ZMAT4: variants seen among roughly 807,000 people sequenced by gnomAD.
The protein encoded by ZMAT4 is zinc finger matrin-type 4.
In ZMAT4, 17 loss-of-function variants were observed where a neutral mutation model predicts 28.7. The ratio of observed to expected loss-of-function variants is 0.59; its 90% CI spans 0.41 to 0.89. The LOEUF (loss-of-function observed/expected upper bound fraction) is 0.89, where lower values mean the gene tolerates loss of function less well. Among genes scored for constraint, ZMAT4 ranks in the 40% least tolerant of loss-of-function variants. The probability of loss-of-function intolerance (pLI) is 0.00; values close to 1 mark genes in which losing one functional copy is unlikely to be tolerated. For synonymous variants in ZMAT4, 117 were observed against 109.2 expected (o/e 1.07, Z -0.44); for missense variants, 240 against 283.8 (o/e 0.85, Z 1.11).
At chr8:40,859,798 A>G (rs1026374845) in intron 1 of ZMAT4, among the ~76,000 whole-genome samples, 9 of 142,100 alleles carry the variant, frequency 6.3e-5, no homozygotes, top group Non-Finnish European at 1.3e-4. Flanking sequence ...GGGTGAGTGG[A>G]AAAAAAAAAG....
At chr8:40,566,154 G>A (rs181593779) in intron 6 of ZMAT4, among the ~76,000 whole-genome samples, 1 of 151,972 alleles carries the variant, frequency 6.6e-6, no homozygotes, top group Non-Finnish European at 1.5e-5. Flanking sequence ...ATGTTCCTCC[G>A]CCGTGACACA....
chr8:40,556,238 C>G (rs919005973), intron 6 of ZMAT4, among the ~76,000 whole-genome samples: 2 of 152,066 alleles, frequency 1.3e-5, no homozygotes, highest in Admixed American at 6.5e-5. Context: ...GTATTTCCAC[C>G]CTTAACTTAT....
chr8:40,767,985 G>A (rs962233567), intron 2 of ZMAT4, among the ~76,000 whole-genome samples: 2 of 152,072 alleles, frequency 1.3e-5, no homozygotes, highest in Non-Finnish European at 1.5e-5. Flanking sequence ...GTAGCCTAGG[G>A]TGGATAATAT....
At chr8:40,575,921 CA>C (rs1171472346) in intron 6 of ZMAT4, among the ~76,000 whole-genome samples, 2 of 151,788 alleles carry the variant, frequency 1.3e-5, no homozygotes, top group African/African-American at 4.8e-5. Flanking sequence ...ATTGGAAAAA[CA>C]ATTCATTATC....
rs546736383 is a variant in ZMAT4 at position 40,756,960 on chromosome 8, A to G, written c.192+10681T>C. On this transcript the variant is annotated intron_variant, in intron 3 of 6. Coordinates refer to ENST00000297737, the MANE Select transcript of ZMAT4 (RefSeq NM_024645.3). ...CACTCAGCACTGTCACTCAGCCTGA[A>G]GGAAGCTTATTTAATGCATGTCTTT... Among the ~76,000 whole-genome samples the G allele has an allele frequency of 2.6e-5, 4 of 152,274 alleles. No homozygotes were observed. In the South Asian group the frequency reaches 6.2e-4, roughly 24 times the overall value.
intron 3 of ZMAT4, among the ~76,000 whole-genome samples, chr8:40,754,820 C>T (rs1319256294): frequency 1.3e-5 from 2 of 152,074 alleles, no homozygotes; most frequent in Non-Finnish European, 2.9e-5. Context: ...CGAGACCAGC[C>T]TGGGCAACAT....
At chr8:40,875,889 G>C (rs990095475) in intron 1 of ZMAT4, among the ~76,000 whole-genome samples, 8 of 152,190 alleles carry the variant, frequency 5.3e-5, no homozygotes, top group African/African-American at 1.7e-4. Context: ...TCTGTACCAA[G>C]GGGAGGCCAA....
At chr8:40,664,617 G>A (rs1338654114) in intron 5 of ZMAT4, among the ~76,000 whole-genome samples, 2 of 152,138 alleles carry the variant, frequency 1.3e-5, no homozygotes, top group Non-Finnish European at 2.9e-5. Flanking sequence ...AGCCCTGGTT[G>A]ATGTCTCTGT....
In ZMAT4 at chr8:40,532,049, A is replaced by G. The variant is rs1449537753; in HGVS notation, c.*174T>C. 8.0e-6 allele frequency: 4 copies of G among 500,118 alleles called. No individual in the cohort carries two copies. In the East Asian group the frequency reaches 1.4e-4, roughly 18 times the overall value. The allele number at this position is 500,118 out of a possible 1,614,324, so 31.0% of individuals were successfully genotyped here. A position where few individuals can be genotyped will look rare whatever the true frequency, so the allele number is the denominator to read the frequency against. ...CCCCAAAATTAAAAAAAGGAAAAAG[A>G]AAAAAGAAACCTCATTCATTTCCAA... On this transcript the variant is annotated 3_prime_UTR_variant, in exon 7 of 7. Coordinates refer to ENST00000297737, the MANE Select transcript of ZMAT4 (RefSeq NM_024645.3).
chr8:40,850,854 G>T (rs974272093), intron 1 of ZMAT4, among the ~76,000 whole-genome samples: 1 of 152,034 alleles, frequency 6.6e-6, no homozygotes, highest in Non-Finnish European at 1.5e-5. Flanking sequence ...TTCTCAGAAC[G>T]CTTTTATGCA....
At chr8:40,819,106 A>C (rs933427218) in intron 2 of ZMAT4, among the ~76,000 whole-genome samples, 3 of 152,144 alleles carry the variant, frequency 2.0e-5, no homozygotes, top group Non-Finnish European at 4.4e-5. Flanking sequence ...GTCGGAAGTC[A>C]ATCAGAACAG....
rs141061487 is a variant in ZMAT4 at position 40,887,865 on chromosome 8, A to G, written c.-5+9818T>C. ...CTGGAATGCTGGGGCACCTCTGGCC[A>G]TTGTCCCCTCCCATCCCCTTGTGGA... On this transcript the variant is annotated intron_variant, in intron 1 of 6. Transcript: ENST00000297737. Among the ~76,000 whole-genome samples the G allele has an allele frequency of 4.9e-4, 74 of 152,286 alleles. 1 individual carries two copies. The East Asian group carries it at 6.2e-3, about 13-fold the overall frequency.
chr8:40,863,402 A>C (rs1817571314), intron 1 of ZMAT4, among the ~76,000 whole-genome samples: 1 of 152,218 alleles, frequency 6.6e-6, no homozygotes, highest in African/African-American at 2.4e-5. Flanking sequence ...TATGAAGTGG[A>C]ATCTGCATGT....
At chr8:40,724,308 T>C (rs867168068) in intron 3 of ZMAT4, among the ~76,000 whole-genome samples, 2 of 152,186 alleles carry the variant, frequency 1.3e-5, no homozygotes, top group Non-Finnish European at 1.5e-5. Flanking sequence ...GTCTCTATGG[T>C]GGACCAAAGT....
chr8:40,842,715 G>A (rs944415731), intron 1 of ZMAT4, among the ~76,000 whole-genome samples: 1 of 152,210 alleles, frequency 6.6e-6, no homozygotes, highest in African/African-American at 2.4e-5. Flanking sequence ...TAATGATGGA[G>A]CTGTGACATG....
intron 1 of ZMAT4, among the ~76,000 whole-genome samples, chr8:40,896,527 C>G (rs903265585): frequency 1.3e-5 from 2 of 152,208 alleles, no homozygotes; most frequent in East Asian, 1.9e-4. Flanking sequence ...AAGTTCGAGA[C>G]CAAGCACATC....
intron 3 of ZMAT4, among the ~76,000 whole-genome samples, chr8:40,742,779 ACAC>A (rs780625912): frequency 0.1 from 15,132 of 148,054 alleles, 792 homozygotes; most frequent in East Asian, 0.15. Context: ...ACACACACAC[ACAC>A]ACACACACAC....
At position 40,674,928 on chromosome 8, in the gene ZMAT4, G is replaced by A. The variant is rs776775546; in HGVS notation, c.353C>T (p.Thr118Ile). 12 of 1,611,276 alleles carry A rather than the reference G, an allele frequency of 7.4e-6. No individual in the cohort carries two copies. The East Asian group carries it at 2.7e-4, about 36-fold the overall frequency. ...TGGGGGCTTAAGTGGGCTCAGGGGT[G>A]TTGCTGTGAAAGGAAACAACCAGAG... ...GEKTPLKTTATPLSPLKPPRM... is the reference protein window; with the variant it reads ...GEKTPLKTTAIPLSPLKPPRM... Residue 118 changes from threonine to isoleucine, a missense_variant, in exon 5 of 7, where the codon ACA becomes ATA. Physicochemically the swap from Thr to Ile is moderately conservative, Grantham distance 89 (BLOSUM62 -1). Coordinates refer to ENST00000297737, the MANE Select transcript of ZMAT4 (RefSeq NM_024645.3).
intron 6 of ZMAT4, among the ~76,000 whole-genome samples, chr8:40,565,988 A>G (rs1466887065): frequency 6.6e-6 from 1 of 152,092 alleles, no homozygotes; most frequent in African/African-American, 2.4e-5. Flanking sequence ...ATAGCGCTTT[A>G]GGGTTTAGGC....
Sources: gnomAD v4.1 joint callset for allele counts (sites outside exome capture counted in the v4.1 genomes callset) on GRCh38, gnomAD v4.1.1 for gene constraint, MANE v1.5 for transcripts, NCBI Gene and HGNC (gene_info 2026-07-23, HGNC 2026-07-21) for gene names.